The following TRPM5 variants were observed in gnomAD, a reference collection of about 807,000 sequenced individuals.
TRPM5 encodes transient receptor potential cation channel subfamily M member 5.
A neutral mutation model predicts 124.9 loss-of-function variants in TRPM5; 121 were observed. The observed-to-expected ratio is 0.97, with a 90% confidence interval of 0.84 to 1.13. The LOEUF is 1.13. Ranked by LOEUF, TRPM5 falls within the 50% of genes most tolerant of loss-of-function variation. TRPM5 has a pLI of 0.00. For missense variants in TRPM5, 1,643 were observed against 1,589.1 expected, an observed-to-expected ratio of 1.03 and a Z score of -0.58; for synonymous variants, 781 against 700.5, an observed-to-expected ratio of 1.11 and a Z score of -1.81.
At chr11:2,424,607 A>T (rs1285528690), upstream of TRPM5, among the ~76,000 whole-genome samples, 1 of 152,148 alleles carries the variant, frequency 6.6e-6, no homozygotes, top group East Asian at 1.9e-4. Context: ...GACACAGGGG[A>T]GGGGTGAAGG....
the TRPM5 span, among the ~76,000 whole-genome samples, chr11:2,433,066 G>A: frequency 2.0e-5 from 3 of 152,220 alleles, no homozygotes; most frequent in Non-Finnish European, 2.9e-5. Context: ...CCCGGGCAGC[G>A]CCTGCAGCGT....
At chr11:2,440,755 C>T in the TRPM5 span, among the ~76,000 whole-genome samples, 1 of 152,194 alleles carries the variant, frequency 6.6e-6, no homozygotes, top group Non-Finnish European at 1.5e-5. This position sits in a 1 kb window ranked among gnomAD's most constrained non-coding sequence, Gnocchi z 5.2. Context: ...GGGGAATGAA[C>T]GAATGATTGA....
intron 18 of TRPM5, among the ~76,000 whole-genome samples, chr11:2,409,401 C>G (rs1371066206): frequency 6.6e-6 from 1 of 152,186 alleles, no homozygotes; most frequent in Non-Finnish European, 1.5e-5. Flanking sequence ...CACACCCTCC[C>G]CGACTCTGTG....
At chr11:2,443,831 C>A in the TRPM5 span, among the ~76,000 whole-genome samples, 8 of 149,572 alleles carry the variant, frequency 5.3e-5, no homozygotes, top group South Asian at 2.2e-4. This position sits in a 1 kb window ranked among gnomAD's most constrained non-coding sequence, Gnocchi z 5.0. Flanking sequence ...CCACCCCCCC[C>A]CCAAGCCTGA....
chr11:2,419,823 G>A (rs988442708), intron 4 of TRPM5, among the ~76,000 whole-genome samples: 2 of 152,200 alleles, frequency 1.3e-5, no homozygotes, highest in Non-Finnish European at 2.9e-5. Flanking sequence ...CTCGGGTGAC[G>A]CTGCCCTCTG....
the TRPM5 span, among the ~76,000 whole-genome samples, chr11:2,428,443 A>C: frequency 6.6e-6 from 1 of 152,002 alleles, no homozygotes; most frequent in Non-Finnish European, 1.5e-5. The surrounding 1 kb of genome is among the most constrained non-coding windows in gnomAD (Gnocchi z 4.0). Flanking sequence ...GGTGAAGGTG[A>C]TGGTGGTGGT....
the TRPM5 span, among the ~76,000 whole-genome samples, chr11:2,434,696 T>C: frequency 1.3e-5 from 2 of 150,832 alleles, no homozygotes; most frequent in Non-Finnish European, 3.0e-5. Flanking sequence ...GCACTGTGTG[T>C]GTGTCTGTGT....
chr11:2,422,872 G>T, intron 1 of TRPM5, 48 bp downstream of exon 6: 3 of 1,534,738 alleles, frequency 2.0e-6, no homozygotes, highest in Non-Finnish European at 2.7e-6. Context: ...GGCCTCATGG[G>T]TTCCAGGTCA....
chr11:2,410,116 G>A (rs1211773383), intron 18 of TRPM5, among the ~76,000 whole-genome samples: 2 of 152,298 alleles, frequency 1.3e-5, no homozygotes, highest in Non-Finnish European at 2.9e-5. Context: ...AGGCAGGCAG[G>A]GTCTGGTTAA....
At chr11:2,404,907 G>A in exon 24 of TRPM5, 2 of 1,576,656 alleles carry the variant, frequency 1.3e-6, no homozygotes, top group Non-Finnish European at 1.7e-6. Flanking sequence ...GCTGAGGAGA[G>A]GTGGCCCCAC....
the TRPM5 span, among the ~76,000 whole-genome samples, chr11:2,441,830 C>T: frequency 6.6e-6 from 1 of 152,088 alleles, no homozygotes; most frequent in African/African-American, 2.4e-5. The surrounding 1 kb of genome is among the most constrained non-coding windows in gnomAD (Gnocchi z 7.2). Context: ...GGTGGGATTA[C>T]AGGTGTGTGC....
chr11:2,404,261 C>T (rs1360482759), downstream of TRPM5, among the ~76,000 whole-genome samples: 1 of 152,172 alleles, frequency 6.6e-6, no homozygotes, highest in East Asian at 1.9e-4. Context: ...GGTGTTTGAG[C>T]CTGGGGTCCA....
the TRPM5 span, among the ~76,000 whole-genome samples, chr11:2,435,335 G>A: frequency 1.4e-4 from 21 of 152,056 alleles, no homozygotes; most frequent in Admixed American, 8.5e-4. This position sits in a 1 kb window ranked among gnomAD's most constrained non-coding sequence, Gnocchi z 4.1. Flanking sequence ...GACGAAGGGC[G>A]GCCCATCTGC....
the TRPM5 span, among the ~76,000 whole-genome samples, chr11:2,442,560 C>CAAAACTTT: frequency 1.1e-3 from 165 of 152,278 alleles, no homozygotes; most frequent in African/African-American, 3.9e-3. The surrounding 1 kb of genome is among the most constrained non-coding windows in gnomAD (Gnocchi z 5.9). Context: ...ATAAAAAATG[C>CAAAACTTT]TGTTTTGACT....
the TRPM5 span, among the ~76,000 whole-genome samples, chr11:2,430,855 T>C: frequency 4.1e-5 from 6 of 146,480 alleles, no homozygotes; most frequent in East Asian, 1.3e-3. Flanking sequence ...GTGGTGGTGA[T>C]GGAGGTGGTG....
chr11:2,406,422 A>C (rs1276040030), intron 21 of TRPM5, among the ~76,000 whole-genome samples: 1 of 151,912 alleles, frequency 6.6e-6, no homozygotes, highest in Non-Finnish European at 1.5e-5. Flanking sequence ...CAACCCTGAG[A>C]CCACAGCAGG....
exon 11 of TRPM5, chr11:2,414,786 ATCTCTT>A (rs1565010757): frequency 6.4e-7 from 1 of 1,572,538 alleles, no homozygotes; most frequent in Non-Finnish European, 8.6e-7. Flanking sequence ...CAGGTGCGAC[ATCTCTT>A]TGAGGATTTT....
At chr11:2,426,284 C>A (rs1050264608), upstream of TRPM5, among the ~76,000 whole-genome samples, 1 of 152,196 alleles carries the variant, frequency 6.6e-6, no homozygotes, top group East Asian at 1.9e-4. Flanking sequence ...TGCCCCATGC[C>A]CAGGCTCGGT....
the TRPM5 span, among the ~76,000 whole-genome samples, chr11:2,430,741 T>C: frequency 7.8e-6 from 1 of 128,664 alleles, no homozygotes; most frequent in Non-Finnish European, 1.6e-5. Flanking sequence ...GTGATGGTGA[T>C]GGTGTTGGTG....
Sources: gnomAD v4.1 joint callset for allele counts (sites outside exome capture counted in the v4.1 genomes callset) on GRCh38, gnomAD v4.1.1 for gene constraint, Gnocchi (gnomAD v3.1) non-coding constraint, MANE v1.5 for transcripts, NCBI Gene and HGNC (gene_info 2026-07-23, HGNC 2026-07-21) for gene names.